FILIP1L: variants seen among roughly 807,000 people sequenced by gnomAD.
FILIP1L encodes the protein filamin A interacting protein 1 like, also known as filamin A-interacting protein 1-like.
In FILIP1L, 55 loss-of-function variants were observed where a neutral mutation model predicts 96.6. The observed-to-expected ratio is 0.57, with a 90% CI of 0.46 to 0.71. The LOEUF is 0.71. Ranked by LOEUF, FILIP1L falls within the 30% of genes least tolerant of loss-of-function variation. The probability of loss-of-function intolerance (pLI) is 0.00; values close to 1 mark genes in which losing one functional copy is unlikely to be tolerated. For missense variants in FILIP1L, 1,304 were observed against 1,321.2 expected, an observed-to-expected ratio of 0.99 and a Z score of 0.20; for synonymous variants, 467 against 473.9, an observed-to-expected ratio of 0.99 and a Z score of 0.19.
chr3:99,924,548 C>T lies in FILIP1L; in HGVS notation c.427-140G>A, dbSNP rs551792680. 38 of 844,414 alleles carry T rather than the reference C, an allele frequency of 4.5e-5. No individual in the cohort carries two copies. In the East Asian group the frequency reaches 5.5e-4, roughly 12 times the overall value. 52.3% of individuals were successfully genotyped at this position (844,414 alleles called of 1,614,324 possible). A position where few individuals can be genotyped will look rare whatever the true frequency, so the allele number is the denominator to read the frequency against. On this transcript the variant is annotated intron_variant, in intron 3 of 5. Coordinates refer to ENST00000477258, the MANE Select transcript of FILIP1L (RefSeq NM_001387850.1). ...TGTTTGTTTGTTTTGAAACAGTTTTCGCTGTCGTTGCCCAGGCTGGAGTGC... is the reference window on the plus strand; with the variant it reads ...TGTTTGTTTGTTTTGAAACAGTTTTTGCTGTCGTTGCCCAGGCTGGAGTGC...
At chr3:99,955,197 A>T (rs899778898) in intron 1 of FILIP1L, among the ~76,000 whole-genome samples, 1 of 152,212 alleles carries the variant, frequency 6.6e-6, no homozygotes, top group Admixed American at 6.5e-5. Context: ...AAGAACCTGC[A>T]GGTCAGAACT....
At chr3:99,832,839 CA>C (rs771543470) in intron 5 of FILIP1L, among the ~76,000 whole-genome samples, 865 of 47,454 alleles carry the variant, frequency 0.018, 17 homozygotes, top group African/African-American at 0.055. Flanking sequence ...GACTCTGTCT[CA>C]AAAAAAAAAA....
intron 4 of FILIP1L, among the ~76,000 whole-genome samples, chr3:99,854,719 C>A (rs890042469): frequency 6.6e-6 from 1 of 152,090 alleles, no homozygotes; most frequent in Non-Finnish European, 1.5e-5. Flanking sequence ...AACTACTGAT[C>A]TATGCATGTG....
At chr3:99,942,560 C>T (rs145604690) in intron 1 of FILIP1L, among the ~76,000 whole-genome samples, 14 of 152,132 alleles carry the variant, frequency 9.2e-5, no homozygotes, top group African/African-American at 3.4e-4. Flanking sequence ...TGCCAGTCGC[C>T]GTGGCTCACG....
chr3:100,027,947 ATGG>A (rs571801961), intron 1 of FILIP1L, among the ~76,000 whole-genome samples: 104 of 152,298 alleles, frequency 6.8e-4, no homozygotes, highest in Non-Finnish European at 1.3e-3. Context: ...CTTGCAGACC[ATGG>A]TAAGGAGTTT....
intron 4 of FILIP1L, among the ~76,000 whole-genome samples, chr3:99,920,429 G>T (rs1048904090): frequency 2.6e-5 from 4 of 152,144 alleles, no homozygotes; most frequent in African/African-American, 9.7e-5. Context: ...AAAATTATTG[G>T]CATTGCTTTT....
intron 5 of FILIP1L, among the ~76,000 whole-genome samples, chr3:99,838,775 A>G (rs1943002264): frequency 6.6e-6 from 1 of 152,162 alleles, no homozygotes; most frequent in Non-Finnish European, 1.5e-5. Context: ...ACTTATCCCT[A>G]AAGTTGTCAT....
rs776899934 is a variant in FILIP1L, at chr3:99,830,287, T to G, written c.*127A>C. 1.2e-5 allele frequency: 4 copies of G among 344,644 alleles called. No individual in the cohort carries two copies. The highest frequency in any genetic ancestry group is 2.1e-5 in the African/African-American group (1 of 46,630). 21.3% of individuals were successfully genotyped at this position (344,644 alleles called of 1,614,324 possible). A position where few individuals can be genotyped will look rare whatever the true frequency, so the allele number is the denominator to read the frequency against. On this transcript the variant is annotated 3_prime_UTR_variant, in exon 6 of 6. Transcript: ENST00000477258. ...ACGTGCTGCTTTTTGGGGGATGATCTTCATCAGGTCCACAAAGCTGCTTCA... is the reference window on the plus strand; with the variant it reads ...ACGTGCTGCTTTTTGGGGGATGATCGTCATCAGGTCCACAAAGCTGCTTCA...
rs755881035 is a variant in FILIP1L, at chr3:99,850,300, G to C, written c.1376C>G (p.Ser459Cys). The change falls in exon 5 of 6, where the codon TCT becomes TGT. Residue 459 changes from serine (S) to cysteine (C), a missense_variant. Coordinates refer to ENST00000477258, the MANE Select transcript of FILIP1L (RefSeq NM_001387850.1). ...TACTTTTAAACTCTCCAGTTCTTGA[G>C]ACAACTGCTTTGTGGTCATCCTTTC... ...EKERMTTKQL[S>C]QELESLKVRI... is the part of the protein sequence containing the mutation. The C allele has an allele frequency of 1.9e-6, 3 of 1,613,676 alleles. No individual in the cohort carries two copies. The East Asian group carries it at 6.7e-5, about 36-fold the overall frequency.
chr3:99,880,900 A>G (rs747006690), intron 4 of FILIP1L, among the ~76,000 whole-genome samples: 2 of 152,112 alleles, frequency 1.3e-5, no homozygotes, highest in Non-Finnish European at 2.9e-5. Context: ...GTGTATGTAT[A>G]TTATGTTTCT....
At chr3:100,017,408 T>G (rs953026592) in intron 1 of FILIP1L, among the ~76,000 whole-genome samples, 3 of 152,248 alleles carry the variant, frequency 2.0e-5, no homozygotes, top group Non-Finnish European at 4.4e-5. Context: ...TATTAGTAAC[T>G]TGTTAGCTCA....
intron 4 of FILIP1L, among the ~76,000 whole-genome samples, chr3:99,874,781 G>A (rs1705428130): frequency 6.6e-6 from 1 of 152,022 alleles, no homozygotes; most frequent in Non-Finnish European, 1.5e-5. Context: ...ATAAAATCTG[G>A]GATCTGACAT....
At chr3:99,955,123 TTTC>T in intron 1 of FILIP1L, among the ~76,000 whole-genome samples, 1 of 152,184 alleles carries the variant, frequency 6.6e-6, no homozygotes, top group South Asian at 2.1e-4. Flanking sequence ...ACACAAGTGG[TTTC>T]AAGGCCCCTT....
chr3:99,934,422 T>G (rs1707592562), intron 1 of FILIP1L, among the ~76,000 whole-genome samples: 1 of 152,224 alleles, frequency 6.6e-6, no homozygotes, highest in South Asian at 2.1e-4. Context: ...ACATAGGGTT[T>G]GGTTTTTGTT....
At chr3:100,055,875 A>G (rs550249433) in intron 1 of FILIP1L, among the ~76,000 whole-genome samples, 3 of 152,334 alleles carry the variant, frequency 2.0e-5, no homozygotes, top group Admixed American at 6.5e-5. Context: ...GAAGTTTTTC[A>G]TAACTACCTT....
chr3:100,093,887 A>G (rs2107441037), intron 1 of FILIP1L, among the ~76,000 whole-genome samples: 1 of 152,212 alleles, frequency 6.6e-6, no homozygotes, highest in Non-Finnish European at 1.5e-5. Flanking sequence ...AGTTTTTTCC[A>G]TTTTTTGGCT....
intron 1 of FILIP1L, among the ~76,000 whole-genome samples, chr3:100,054,400 G>T (rs1418162385): frequency 6.6e-6 from 1 of 152,142 alleles, no homozygotes; most frequent in African/African-American, 2.4e-5. Context: ...GCCAGAGCTG[G>T]GGAGTGGCTG....
At chr3:99,899,531 A>G (rs965228377) in intron 4 of FILIP1L, among the ~76,000 whole-genome samples, 2 of 152,210 alleles carry the variant, frequency 1.3e-5, no homozygotes, top group Non-Finnish European at 2.9e-5. Flanking sequence ...GTGAGATCTA[A>G]ATGGTAGCTG....
chr3:99,974,930 G>A (rs763309616), intron 1 of FILIP1L, among the ~76,000 whole-genome samples: 6 of 152,144 alleles, frequency 3.9e-5, no homozygotes, highest in Admixed American at 6.5e-5. Context: ...AAACCTGGGC[G>A]TGTTATTTGA....
Sources: allele counts gnomAD v4.1 joint callset (sites outside exome capture counted in the v4.1 genomes callset), GRCh38; gene constraint gnomAD v4.1.1; transcripts MANE v1.5; gene names NCBI Gene and HGNC (gene_info 2026-07-23, HGNC 2026-07-21).